MROH2B: variants seen among roughly 807,000 people sequenced by gnomAD.
The protein encoded by MROH2B is maestro heat-like repeat-containing protein family member 2B.
Under a neutral mutation model 208.6 loss-of-function variants are expected in MROH2B, and 177 were observed. That is an observed-to-expected ratio of 0.85 (90% CI 0.75 to 0.96). MROH2B has a LOEUF of 0.96. MROH2B is among the 40% of genes least tolerant of loss of function. The pLI is 0.00. For synonymous variants in MROH2B, 728 were observed against 659.0 expected (o/e 1.10, Z -1.60); for missense variants, 2,002 against 1,878.7 (o/e 1.07, Z -1.21).
intron 38 of MROH2B, 91 bp downstream of exon 38, chr5:41,000,587 A>G: frequency 6.8e-7 from 1 of 1,466,688 alleles, no homozygotes; most frequent in South Asian, 1.4e-5. Flanking sequence ...GTGACTTTAG[A>G]TCTGGCTCCT....
At chr5:41,020,422 C>T (rs1376779299) in intron 24 of MROH2B, among the ~76,000 whole-genome samples, 1 of 152,138 alleles carries the variant, frequency 6.6e-6, no homozygotes, top group Admixed American at 6.5e-5. Context: ...GTTAACATGG[C>T]AACCTGTGCT....
intron 24 of MROH2B, among the ~76,000 whole-genome samples, chr5:41,021,605 T>C (rs1308376326): frequency 6.6e-6 from 1 of 152,162 alleles, no homozygotes; most frequent in Non-Finnish European, 1.5e-5. Context: ...AGGCCAGGTA[T>C]GGTGGTGCGA....
intron 6 of MROH2B, 93 bp downstream of exon 6, chr5:41,061,477 A>T (rs1053721380): frequency 2.6e-6 from 3 of 1,165,612 alleles, no homozygotes; most frequent in Non-Finnish European, 3.4e-6. Flanking sequence ...GGCTTCCAAA[A>T]ATACTGAGCC....
intron 17 of MROH2B, among the ~76,000 whole-genome samples, chr5:41,047,204 T>C (rs1743148913): frequency 6.6e-6 from 1 of 152,180 alleles, no homozygotes; most frequent in Admixed American, 6.5e-5. Context: ...TTGGTATCAC[T>C]TGTGGCACTG....
At chr5:41,067,055 G>T in intron 3 of MROH2B, 53 bp downstream of exon 3, 1 of 950,310 alleles carries the variant, frequency 1.1e-6, no homozygotes, top group Non-Finnish European at 1.7e-6. Flanking sequence ...ATGTCCACAT[G>T]GGTGCAGTTG....
intron 17 of MROH2B, among the ~76,000 whole-genome samples, chr5:41,047,245 G>A (rs545008255): frequency 4.6e-5 from 7 of 152,282 alleles, no homozygotes; most frequent in Non-Finnish European, 1.0e-4. Context: ...AAGTTTATGG[G>A]TGAGAGAGGA....
At chr5:41,069,127 C>A (rs966659996) in intron 2 of MROH2B, among the ~76,000 whole-genome samples, 1 of 152,046 alleles carries the variant, frequency 6.6e-6, no homozygotes, top group Admixed American at 6.6e-5. Flanking sequence ...TCTCAGTTAT[C>A]AAATGGAAAT....
chr5:41,061,797 G>A (rs1743651313), intron 5 of MROH2B, 73 bp from the exon 6 acceptor site: 1 of 1,460,406 alleles, frequency 6.8e-7, no homozygotes, highest in African/African-American at 1.4e-5. Flanking sequence ...AATTTGAGAA[G>A]AGAGTGCTGA....
In MROH2B at chr5:41,051,057, C is replaced by T; in HGVS notation, c.1264G>A (p.Glu422Lys). The T allele has an allele frequency of 6.4e-7, 1 of 1,555,764 alleles. No individual in the cohort carries two copies. Among genetic ancestry groups the T allele is most frequent in the African/African-American group, 1.4e-5 (1 of 70,824 alleles). ...KPVKTNFHENEKEEESVRETS... is the reference protein window; with the variant it reads ...KPVKTNFHENKKEEESVRETS... ...TCTCGGACAGATTCCTCTTCCTTTT[C>T]ATTCTCATGAAAGTTAGTTTTCACT... The change falls in exon 13 of 42, where the codon GAA becomes AAA. Residue 422 changes from glutamate (E) to lysine (K), a missense_variant. Transcript: ENST00000399564.
chr5:41,017,558 C>T (rs889312860), intron 28 of MROH2B, among the ~76,000 whole-genome samples: 4 of 151,812 alleles, frequency 2.6e-5, no homozygotes, highest in African/African-American at 9.7e-5. Flanking sequence ...AAAAACAGAG[C>T]CACTGAGGAA....
rs750788588 is a variant in MROH2B, at chr5:41,067,110, T to G, written c.199A>C (p.Asn67His). 1.3e-6 allele frequency: 2 copies of G among 1,541,508 alleles called. No individual in the cohort carries two copies. Among genetic ancestry groups the G allele is most frequent in the Non-Finnish European group, 1.8e-6 (2 of 1,137,790 alleles). Residue 67 changes from asparagine (N) to histidine (H), a missense_variant and splice_region_variant, in exon 3 of 42, where the codon AAT becomes CAT. Coordinates refer to ENST00000399564, the MANE Select transcript of MROH2B (RefSeq NM_173489.5). ...TCACCATCATGAACCAAACTTACAT[T>G]GTTGTCTCTCATATCCTTAGAAGCA... ...YYASKDMRDN[N>H]MLREIRMLAG... is the part of the protein sequence containing the mutation.
Position 41,049,431 on chromosome 5 carries a change from T to A in MROH2B, c.1350A>T (p.Leu450=). 1.2e-6 allele frequency: 2 copies of A among 1,611,028 alleles called. No individual in the cohort carries two copies. Among genetic ancestry groups the A allele is most frequent in the Non-Finnish European group, 1.7e-6 (2 of 1,178,902 alleles). ...DPLVIGMPQV[L]WPRILTFVVP... ...CCACAAAAGTCAGGATCCTTGGCCA[T>A]AGCACCTGTGGAAAACAGGGCATGA... The change falls in exon 14 of 42, where the codon CTA becomes CTT. Residue 450 remains leucine, a synonymous_variant. Coordinates refer to ENST00000399564, the MANE Select transcript of MROH2B (RefSeq NM_173489.5).
Position 41,032,774 on chromosome 5 carries a change from C to T in MROH2B, c.2409G>A (p.Arg803=), listed in dbSNP as rs1323522666. 5.6e-6 allele frequency: 9 copies of T among 1,612,488 alleles called. No individual in the cohort carries two copies. In the African/African-American group the frequency reaches 6.7e-5, roughly 12 times the overall value. ...ACCTAATGGCGATTAAGGCTTTCCA[C>T]CGAATAGGGCTAGCTAAGGAATCCA... ...EPLDSLASPI[R]WKALIAIRYL... Residue 803 remains arginine (R), a synonymous_variant, in exon 24 of 42, where the codon CGG becomes CGA. Transcript: ENST00000399564.
chr5:41,024,535 C>G (rs1742280890), intron 24 of MROH2B, among the ~76,000 whole-genome samples: 1 of 152,106 alleles, frequency 6.6e-6, no homozygotes. Flanking sequence ...ATTCATAAAG[C>G]AAGTCCTGAG....
intron 24 of MROH2B, among the ~76,000 whole-genome samples, chr5:41,026,624 T>C (rs1039749804): frequency 1.3e-5 from 2 of 152,180 alleles, no homozygotes; most frequent in African/African-American, 2.4e-5. Flanking sequence ...AGGTAATTTA[T>C]AGATTCAATG....
intron 18 of MROH2B, among the ~76,000 whole-genome samples, chr5:41,044,664 C>T (rs993205825): frequency 6.6e-6 from 1 of 152,088 alleles, no homozygotes; most frequent in African/African-American, 2.4e-5. Context: ...GTTTGGTAAA[C>T]CCATTTGGAG....
chr5:41,057,552 G>A (rs1021511152), intron 7 of MROH2B, among the ~76,000 whole-genome samples, 192 bp from the exon 8 acceptor site: 1 of 44,726 alleles, frequency 2.2e-5, no homozygotes, highest in Non-Finnish European at 4.7e-5. Flanking sequence ...ATGAATGAAC[G>A]AATATCCCTC....
Position 41,007,379 on chromosome 5 carries a change from C to T in MROH2B, c.3684G>A (p.Gly1228=). The T allele has an allele frequency of 6.4e-7, 1 of 1,550,888 alleles. No homozygotes were observed. Among genetic ancestry groups the T allele is most frequent in the Non-Finnish European group, 8.7e-7 (1 of 1,146,186 alleles). Residue 1228 remains glycine, a synonymous_variant, in exon 34 of 42, where the codon GGG becomes GGA. Transcript: ENST00000399564. ...REGLAKESDE[G]DNLWTLLSSP... is the part of the protein sequence containing the mutation. ...TGCTGAGTAGAGTCCATAAGTTGTC[C>T]CCCTCATCAGATTCCTTTGCAAGGC... is the stretch of plus-strand genomic sequence containing the variant.
intron 22 of MROH2B, 98 bp from the exon 23 acceptor site, chr5:41,033,258 A>C: frequency 6.7e-7 from 1 of 1,496,200 alleles, no homozygotes. Flanking sequence ...CCCAGACAGG[A>C]GTGAGAATCT....
Sources: gnomAD v4.1 joint callset for allele counts (sites outside exome capture counted in the v4.1 genomes callset) on GRCh38, gnomAD v4.1.1 for gene constraint, MANE v1.5 for transcripts, NCBI Gene and HGNC (gene_info 2026-07-23, HGNC 2026-07-21) for gene names.